DNAH7: variants seen among roughly 807,000 people sequenced by gnomAD.
The protein encoded by DNAH7 is axonemal beta dynein heavy chain 7.
Under a neutral mutation model 444.6 loss-of-function variants are expected in DNAH7, and 397 were observed. The ratio of observed to expected loss-of-function variants is 0.89; its 90% CI spans 0.82 to 0.97. The LOEUF is 0.97. DNAH7 is among the 50% of genes least tolerant of loss of function. DNAH7 has a pLI of 0.00. For synonymous variants in DNAH7, 1,636 were observed against 1,624.4 expected, an observed-to-expected ratio of 1.01 and a Z score of -0.17; for missense variants, 4,902 against 4,800.8, an observed-to-expected ratio of 1.02 and a Z score of -0.62.
intron 61 of DNAH7, among the ~76,000 whole-genome samples, chr2:195,763,313 G>A (rs886251797): frequency 2.0e-5 from 3 of 151,742 alleles, no homozygotes; most frequent in African/African-American, 4.8e-5. Flanking sequence ...ACTACCTAAT[G>A]ATATATCTTA....
chr2:196,001,617 A>T, intron 11 of DNAH7, 58 bp downstream of exon 11: 1 of 1,371,132 alleles, frequency 7.3e-7, no homozygotes, highest in Non-Finnish European at 9.7e-7. Context: ...TTCCTCTCTG[A>T]AATAATTAAA....
At chr2:195,913,140 C>T (rs1157305015) in intron 24 of DNAH7, among the ~76,000 whole-genome samples, 5 of 151,854 alleles carry the variant, frequency 3.3e-5, no homozygotes, top group African/African-American at 1.2e-4. Flanking sequence ...CTGCTTGCAT[C>T]CTAAAACTGG....
chr2:195,793,241 T>C (rs62201478), intron 57 of DNAH7, among the ~76,000 whole-genome samples: 14,135 of 152,238 alleles, frequency 0.093, 733 homozygotes, highest in African/African-American at 0.13. Context: ...CTGGCCCTTG[T>C]ACTATTTTTA....
At chr2:195,972,920 A>G (rs1031725256) in intron 15 of DNAH7, among the ~76,000 whole-genome samples, 2 of 152,224 alleles carry the variant, frequency 1.3e-5, no homozygotes, top group African/African-American at 4.8e-5. Context: ...CCACCAGAAC[A>G]AATGTAAAAC....
At chr2:195,852,492 T>C (rs1410445669) in intron 46 of DNAH7, among the ~76,000 whole-genome samples, 1 of 152,162 alleles carries the variant, frequency 6.6e-6, no homozygotes, top group Non-Finnish European at 1.5e-5. Context: ...TTATCATCCC[T>C]CCCATTTTTT....
At chr2:195,938,571 AAAT>A (rs1163048082) in intron 19 of DNAH7, among the ~76,000 whole-genome samples, 3 of 152,174 alleles carry the variant, frequency 2.0e-5, no homozygotes, top group Non-Finnish European at 4.4e-5. Context: ...TCAACCAAAA[AAAT>A]TATTGCAATG....
intron 2 of DNAH7, among the ~76,000 whole-genome samples, chr2:196,051,608 A>T (rs1419049884): frequency 1.3e-5 from 2 of 152,136 alleles, no homozygotes; most frequent in Non-Finnish European, 2.9e-5. Context: ...TCTACTAAAA[A>T]TACAAAAAAT....
At chr2:195,840,735 G>C (rs919061659) in intron 47 of DNAH7, among the ~76,000 whole-genome samples, 1 of 151,598 alleles carries the variant, frequency 6.6e-6, no homozygotes, top group Non-Finnish European at 1.5e-5. Flanking sequence ...GTACCACACA[G>C]AAATAAAAGA....
chr2:195,873,608 T>G lies in DNAH7; in HGVS notation c.6373A>C (p.Thr2125Pro). Residue 2125 changes from threonine (T) to proline (P), a missense_variant, in exon 39 of 65, where the codon ACA (threonine) becomes CCA (proline). Coordinates refer to ENST00000312428, the MANE Select transcript of DNAH7 (RefSeq NM_018897.3). ...INEFSDKSMY[T>P]IFSRILTWHL... ...CAAGTTAAGATTCTAGAGAAGATTG[T>G]ATACATGGATTTATCACTAAACTCA... is the stretch of plus-strand genomic sequence containing the variant. 1 of 1,490,108 alleles carries G rather than the reference T, an allele frequency of 6.7e-7. No homozygotes were observed. Among genetic ancestry groups the G allele is most frequent in the East Asian group, 2.5e-5 (1 of 39,962 alleles). The allele number at this position is 1,490,108 out of a possible 1,614,324, so 92.3% of individuals were successfully genotyped here. A position where few individuals can be genotyped will look rare whatever the true frequency, so the allele number is the denominator to read the frequency against.
chr2:196,060,555 ACT>A (rs779907668), intron 1 of DNAH7, among the ~76,000 whole-genome samples: 4 of 151,432 alleles, frequency 2.6e-5, no homozygotes, highest in African/African-American at 7.3e-5. Context: ...GCAATTTGAA[ACT>A]CTCTCTAATG....
chr2:195,740,081 T>G (rs1692905114), intron 64 of DNAH7, among the ~76,000 whole-genome samples: 1 of 152,086 alleles, frequency 6.6e-6, no homozygotes, highest in Non-Finnish European at 1.5e-5. Flanking sequence ...CCTCCCAGGT[T>G]CAAGCGATTC....
chr2:196,047,183 C>G (rs527946759), intron 5 of DNAH7, among the ~76,000 whole-genome samples, 169 bp downstream of exon 5: 1 of 152,304 alleles, frequency 6.6e-6, no homozygotes, highest in South Asian at 2.1e-4. Context: ...GTGGAACACA[C>G]TTAACAGGGT....
At chr2:195,965,292 C>G (rs907471391) in intron 17 of DNAH7, among the ~76,000 whole-genome samples, 18 of 152,288 alleles carry the variant, frequency 1.2e-4, no homozygotes, top group Admixed American at 7.8e-4. Context: ...TTATGTAGAA[C>G]CATCCTTACA....
rs59244207 is a variant in DNAH7 at position 195,781,976 on chromosome 2, T to TACACACACACAC, written c.10879-4003_10879-3992dup. 8.4e-3 allele frequency among the ~76,000 whole-genome samples: 1,089 copies of TACACACACACAC among 129,790 alleles called. 14 individuals are homozygous for TACACACACACAC. The highest frequency in any genetic ancestry group is 0.021 in the East Asian group (89 of 4,204). The allele number at this position is 129,790 out of a possible 152,430, so 85.1% of individuals were successfully genotyped here. A position where few individuals can be genotyped will look rare whatever the true frequency, so the allele number is the denominator to read the frequency against. ...AATGAGGGGTGAGAGGTGGGTCTTA[T>TACACACACACAC]ACACACACACACACACACACACACA... On this transcript the variant is annotated intron_variant, in intron 58 of 64. Coordinates refer to ENST00000312428, the MANE Select transcript of DNAH7 (RefSeq NM_018897.3).
chr2:195,743,148 A>T (rs1250077215), intron 63 of DNAH7, among the ~76,000 whole-genome samples: 1 of 152,120 alleles, frequency 6.6e-6, no homozygotes, highest in Non-Finnish European at 1.5e-5. Context: ...TGGCTTTTGG[A>T]CTTTCGGACT....
At chr2:195,882,280 G>T (rs79391574) in intron 35 of DNAH7, among the ~76,000 whole-genome samples, 1,681 of 152,238 alleles carry the variant, frequency 0.011, 36 homozygotes, top group East Asian at 0.067. Flanking sequence ...CCAAATGTTA[G>T]ATTATTTAAT....
intron 49 of DNAH7, among the ~76,000 whole-genome samples, chr2:195,823,058 T>C (rs1025607107): frequency 2.6e-5 from 4 of 152,142 alleles, no homozygotes; most frequent in Non-Finnish European, 5.9e-5. Context: ...TTACATGAAA[T>C]GTCCCAAATC....
chr2:195,884,433 C>T (rs1701590482), intron 35 of DNAH7, 152 bp downstream of exon 35: 2 of 621,744 alleles, frequency 3.2e-6, no homozygotes, highest in East Asian at 5.5e-5. Flanking sequence ...CTAGAGGTGT[C>T]TGACTTCAAG....
At chr2:195,786,583 T>TTC (rs397939279) in intron 58 of DNAH7, among the ~76,000 whole-genome samples, 3 of 151,794 alleles carry the variant, frequency 2.0e-5, no homozygotes, top group Non-Finnish European at 1.5e-5. Flanking sequence ...TTTTTTTTTT[T>TTC]CCTGACAAAT....
Sources: allele counts gnomAD v4.1 joint callset (sites outside exome capture counted in the v4.1 genomes callset), GRCh38; gene constraint gnomAD v4.1.1; transcripts MANE v1.5; gene names NCBI Gene and HGNC (gene_info 2026-07-23, HGNC 2026-07-21).